Variants in MYT1L observed in about 807,000 individuals in gnomAD.
The protein encoded by MYT1L is myelin transcription factor 1-like protein.
MYT1L carries 12 observed loss-of-function variants against 126.7 expected under a neutral mutation model. The observed-to-expected ratio is 0.09, with a 90% CI of 0.06 to 0.15. MYT1L has a LOEUF of 0.15. MYT1L is among the 10% of genes least tolerant of loss of function. The pLI is 1.00. For missense variants in MYT1L, 979 were observed against 1,585.2 expected (o/e 0.62, Z 6.49); for synonymous variants, 541 against 604.2 (o/e 0.90, Z 1.53).
intron 3 of MYT1L, among the ~76,000 whole-genome samples, chr2:2,090,620 C>T (rs1312586519): frequency 6.6e-6 from 1 of 152,088 alleles, no homozygotes; most frequent in Non-Finnish European, 1.5e-5. Flanking sequence ...TGAAGTTTTC[C>T]ATATCTATTG....
At chr2:2,295,573 GA>G (rs2095662598) in intron 1 of MYT1L, among the ~76,000 whole-genome samples, 1 of 142,286 alleles carries the variant, frequency 7.0e-6, no homozygotes, top group Non-Finnish European at 1.6e-5. Context: ...GACAGAGAGA[GA>G]GAGAGAGAGA....
intron 18 of MYT1L, among the ~76,000 whole-genome samples, chr2:1,860,395 AGT>A (rs2044437561): frequency 6.6e-6 from 1 of 152,226 alleles, no homozygotes; most frequent in South Asian, 2.1e-4. Flanking sequence ...CGCGTGGAAG[AGT>A]GAGTTTCATC....
At chr2:1,849,008 C>A (rs942909862) in intron 19 of MYT1L, among the ~76,000 whole-genome samples, 5 of 152,132 alleles carry the variant, frequency 3.3e-5, no homozygotes, top group African/African-American at 1.2e-4. Flanking sequence ...ATCATTTACT[C>A]CAGGCATAGA....
rs1053189613 is a variant in MYT1L at position 1,911,600 on chromosome 2, G to A, written c.1709+420C>T. Among the ~76,000 whole-genome samples the A allele has an allele frequency of 5.3e-5, 8 of 152,176 alleles. No individual in the cohort carries two copies. In the East Asian group the frequency reaches 7.8e-4, roughly 15 times the overall value. ...AAACATCTGCAGGTTTTCTGAAGACGTCCATACTTGTGACCTGGGGTTTCC... is the reference window on the plus strand; with the variant it reads ...AAACATCTGCAGGTTTTCTGAAGACATCCATACTTGTGACCTGGGGTTTCC... On this transcript the variant is annotated intron_variant, in intron 12 of 24. Transcript: ENST00000647738.
Position 2,264,630 on chromosome 2 carries a change from C to T in MYT1L, c.-421+19774G>A, listed in dbSNP as rs539273899. On this transcript the variant is annotated intron_variant, in intron 2 of 24. Transcript: ENST00000647738. ...AGCTGCTCAGAGCCATGGTGCTCAG[C>T]GGAGTGTGTACACTCCTCCTGTGGG... Among the ~76,000 whole-genome samples the T allele has an allele frequency of 3.9e-5, 6 of 152,234 alleles. No homozygotes were observed. The South Asian group carries it at 8.3e-4, about 21-fold the overall frequency.
intron 18 of MYT1L, among the ~76,000 whole-genome samples, chr2:1,872,878 G>T (rs1045993034): frequency 1.2e-4 from 18 of 152,164 alleles, no homozygotes; most frequent in Non-Finnish European, 2.2e-4. Flanking sequence ...TTATAATCAT[G>T]ACCTCTCAGG....
chr2:2,241,351 T>C (rs546742626), intron 2 of MYT1L, among the ~76,000 whole-genome samples: 11 of 152,240 alleles, frequency 7.2e-5, no homozygotes, highest in African/African-American at 2.6e-4. Flanking sequence ...AGGAACACAA[T>C]GGGGAAGCCC....
chr2:2,211,312 G>A (rs895325163), intron 2 of MYT1L, among the ~76,000 whole-genome samples: 1 of 152,100 alleles, frequency 6.6e-6, no homozygotes, highest in African/African-American at 2.4e-5. Flanking sequence ...TTTTCAAAAT[G>A]TTCTTTCCAT....
At position 2,057,132 on chromosome 2, in the gene MYT1L, G is replaced by C. The variant is rs965453110; in HGVS notation, c.-303-3009C>G. On this transcript the variant is annotated intron_variant, in intron 3 of 24. Transcript: ENST00000647738. ...TTCTCTTGTGTTCATATATGTGCAT[G>C]CGATTTTAGCACCAGTGTAGGTTTC... 6.6e-5 allele frequency among the ~76,000 whole-genome samples: 10 copies of C among 152,176 alleles called. 1 individual carries two copies. The highest frequency in any genetic ancestry group is 6.5e-5 in the Admixed American group (1 of 15,268).
At chr2:1,893,616 T>G (rs34820894) in intron 14 of MYT1L, among the ~76,000 whole-genome samples, 9,163 of 152,278 alleles carry the variant, frequency 0.06, 301 homozygotes, top group Non-Finnish European at 0.069. Context: ...GACCTCGCAG[T>G]TGGTCATGGC....
intron 2 of MYT1L, among the ~76,000 whole-genome samples, chr2:2,264,774 C>T (rs12469455): frequency 0.59 from 89,671 of 151,976 alleles, 27,127 homozygotes; most frequent in East Asian, 0.9. Context: ...TAAAAATGTC[C>T]AGAGGAATTC....
At chr2:2,181,814 G>A (rs1361666919) in intron 2 of MYT1L, among the ~76,000 whole-genome samples, 1 of 152,160 alleles carries the variant, frequency 6.6e-6, no homozygotes, top group Non-Finnish European at 1.5e-5. Context: ...GAGAGAAAAA[G>A]GACTTTCCAC....
chr2:1,997,465 G>A (rs185535881), intron 4 of MYT1L, 118 bp from the exon 5 acceptor site: 4 of 152,564 alleles, frequency 2.6e-5, no homozygotes, highest in Admixed American at 2.6e-4. Flanking sequence ...CTTCCTCCAG[G>A]AACCAAATGT....
chr2:1,981,820 G>T (rs545785799), intron 5 of MYT1L, among the ~76,000 whole-genome samples: 1 of 152,212 alleles, frequency 6.6e-6, no homozygotes, highest in Non-Finnish European at 1.5e-5. Context: ...AAGAAGAAAG[G>T]GCTTGGGCAG....
chr2:2,108,397 T>C (rs1046777199), intron 3 of MYT1L, among the ~76,000 whole-genome samples: 7 of 152,244 alleles, frequency 4.6e-5, no homozygotes, highest in Non-Finnish European at 1.0e-4. Context: ...GGCCTAACTC[T>C]ATTCTATGGA....
chr2:1,822,765 G>A lies in MYT1L; in HGVS notation c.3081-13598C>T, dbSNP rs796496738. 2.9e-4 allele frequency among the ~76,000 whole-genome samples: 43 copies of A among 150,272 alleles called. 1 individual carries two copies. Among genetic ancestry groups the A allele is most frequent in the African/African-American group, 8.5e-4 (34 of 40,026 alleles). ...GCCTCATGGCTGCTGCTGTGTCCACGGTGAAACCCTCCTCTCCTGTGAAGG... is the reference window on the plus strand; with the variant it reads ...GCCTCATGGCTGCTGCTGTGTCCACAGTGAAACCCTCCTCTCCTGTGAAGG... On this transcript the variant is annotated intron_variant, in intron 21 of 24. Transcript: ENST00000647738.
rs140044518 is a variant in MYT1L at position 2,042,560 on chromosome 2, T to C, written c.-158+11418A>G. Among the ~76,000 whole-genome samples the C allele has an allele frequency of 5.9e-3, 905 of 152,334 alleles. 10 individuals carry two copies. Among genetic ancestry groups the C allele is most frequent in the African/African-American group, 0.02 (828 of 41,566 alleles). On this transcript the variant is annotated intron_variant, in intron 4 of 24. Coordinates refer to ENST00000647738, the MANE Select transcript of MYT1L (RefSeq NM_001303052.2). The stretch of plus-strand genomic sequence containing the variant: ...GTTCTAATATATTACCTTCAATTAA[T>C]AGTAAATTACAATGGGAATGCCATG...
At position 1,979,913 on chromosome 2, in the gene MYT1L, A is replaced by G. The variant is rs2060476216; in HGVS notation, c.1-136T>C. On this transcript the variant is annotated intron_variant, in intron 5 of 24. Coordinates refer to ENST00000647738, the MANE Select transcript of MYT1L (RefSeq NM_001303052.2). This position sits in a 1 kb window ranked among gnomAD's most constrained non-coding sequence, Gnocchi z 4.0. ...CCCTCCATGAAGGGAAGCCCTCTAC[A>G]AGGGCAGGGGGTAAGACCAGGCAAT... The G allele has an allele frequency of 1.2e-6, 1 of 821,952 alleles. No individual in the cohort carries two copies. The highest frequency in any genetic ancestry group is 2.1e-5 in the Admixed American group (1 of 48,648). 50.9% of individuals were successfully genotyped at this position (821,952 alleles called of 1,614,324 possible).
intron 18 of MYT1L, among the ~76,000 whole-genome samples, chr2:1,857,623 C>T (rs769737989): frequency 6.6e-6 from 1 of 151,966 alleles, no homozygotes; most frequent in Non-Finnish European, 1.5e-5. Flanking sequence ...AGATTTTTTT[C>T]TTTATCCCCC....
Sources: gnomAD v4.1 joint callset for allele counts (sites outside exome capture counted in the v4.1 genomes callset) on GRCh38, gnomAD v4.1.1 for gene constraint, Gnocchi (gnomAD v3.1) non-coding constraint, MANE v1.5 for transcripts, NCBI Gene and HGNC (gene_info 2026-07-23, HGNC 2026-07-21) for gene names.